Variants in EPHA6 observed in about 807,000 individuals in gnomAD.
EPHA6 encodes the protein EPH receptor A6.
A neutral mutation model predicts 112.0 loss-of-function variants in EPHA6; 50 were observed. That is an observed-to-expected ratio of 0.45 (90% CI 0.36 to 0.56). EPHA6 has a LOEUF of 0.56. Ranked by LOEUF, EPHA6 falls within the 20% of genes least tolerant of loss-of-function variation. EPHA6 has a pLI of 0.00. For missense variants in EPHA6, 1,280 were observed against 1,417.4 expected, an observed-to-expected ratio of 0.90 and a Z score of 1.56; for synonymous variants, 529 against 490.7, an observed-to-expected ratio of 1.08 and a Z score of -1.03.
At chr3:96,949,234 A>G (rs2041423507) in intron 2 of EPHA6, among the ~76,000 whole-genome samples, 1 of 152,184 alleles carries the variant, frequency 6.6e-6, no homozygotes, top group African/African-American at 2.4e-5. Context: ...TAATTCTAAT[A>G]CAAAATTTAA....
chr3:97,444,744 T>A (rs1169411426), intron 6 of EPHA6, among the ~76,000 whole-genome samples: 1 of 152,154 alleles, frequency 6.6e-6, no homozygotes, highest in Non-Finnish European at 1.5e-5. Flanking sequence ...TCTGAACACC[T>A]GAGCCTATTT....
intron 5 of EPHA6, among the ~76,000 whole-genome samples, chr3:97,266,789 A>C (rs1576804311): frequency 7.7e-6 from 1 of 129,438 alleles, no homozygotes; most frequent in Non-Finnish European, 1.5e-5. Flanking sequence ...ATACTAATAT[A>C]ATACAAAGAA....
chr3:96,879,221 T>C (rs1576218131), intron 2 of EPHA6, among the ~76,000 whole-genome samples: 1 of 152,132 alleles, frequency 6.6e-6, no homozygotes, highest in Admixed American at 6.5e-5. Context: ...TTTGCCTTTG[T>C]TTATAAACGT....
chr3:97,191,359 A>T (rs2077300828), intron 3 of EPHA6, among the ~76,000 whole-genome samples: 1 of 152,016 alleles, frequency 6.6e-6, no homozygotes. Flanking sequence ...TAAATATACA[A>T]TAAATTATTA....
At chr3:97,673,185 G>T (rs2031023165) in intron 14 of EPHA6, among the ~76,000 whole-genome samples, 1 of 152,188 alleles carries the variant, frequency 6.6e-6, no homozygotes, top group African/African-American at 2.4e-5. Flanking sequence ...CTTGAAGTCA[G>T]AGTTGAATGT....
At position 97,406,540 on chromosome 3, in the gene EPHA6, T is replaced by C. The variant is rs550389662; in HGVS notation, c.1731+1266T>C. On this transcript the variant is annotated intron_variant, in intron 6 of 17. Transcript: ENST00000389672. ...AAGGTTCCATCTCTTGATTCTGTTA[T>C]AATGGCAATCAAATTAAAACATAAG... 2.0e-5 allele frequency among the ~76,000 whole-genome samples: 3 copies of C among 152,166 alleles called. No homozygotes were observed. The East Asian group carries it at 5.8e-4, about 29-fold the overall frequency.
intron 3 of EPHA6, among the ~76,000 whole-genome samples, chr3:97,106,979 G>A (rs1162711218): frequency 6.6e-6 from 1 of 151,928 alleles, no homozygotes; most frequent in Non-Finnish European, 1.5e-5. Context: ...GTGATGGTGG[G>A]GTTACCAAAG....
rs141992941 is a variant in EPHA6, at chr3:96,991,716, C to A, written c.1114+3723C>A. 8.3e-4 allele frequency among the ~76,000 whole-genome samples: 127 copies of A among 152,242 alleles called. 1 individual carries two copies. The highest frequency in any genetic ancestry group is 2.9e-3 in the African/African-American group (121 of 41,558). On this transcript the variant is annotated intron_variant, in intron 3 of 17. Transcript: ENST00000389672. Reference sequence around the variant, plus strand: ...TCACATTAGGACATCATGTTGAAGTCCAATATAGCATGTTGAAATCAGTTC... The same window carrying A: ...TCACATTAGGACATCATGTTGAAGTACAATATAGCATGTTGAAATCAGTTC...
chr3:97,120,508 G>A (rs1008414490), intron 3 of EPHA6, among the ~76,000 whole-genome samples: 5 of 151,798 alleles, frequency 3.3e-5, no homozygotes, highest in African/African-American at 4.8e-5. Context: ...GTTGATAATG[G>A]ACTGAGTCAC....
intron 6 of EPHA6, among the ~76,000 whole-genome samples, chr3:97,423,760 C>G (rs766902883): frequency 1.3e-5 from 2 of 152,144 alleles, no homozygotes; most frequent in East Asian, 3.8e-4. Context: ...TCAAACTATA[C>G]TATAAGGCTA....
intron 5 of EPHA6, among the ~76,000 whole-genome samples, chr3:97,270,564 T>C (rs1359370485): frequency 6.6e-6 from 1 of 152,236 alleles, no homozygotes; most frequent in Non-Finnish European, 1.5e-5. Context: ...AACAATACAA[T>C]CTTCTGAGCA....
intron 16 of EPHA6, among the ~76,000 whole-genome samples, chr3:97,742,884 A>T (rs955750790): frequency 1.3e-5 from 2 of 152,134 alleles, no homozygotes; most frequent in Admixed American, 6.6e-5. Flanking sequence ...TGCATGACAA[A>T]ATTATTTCAT....
intron 10 of EPHA6, among the ~76,000 whole-genome samples, chr3:97,531,661 A>G (rs1279515584): frequency 6.6e-6 from 1 of 152,136 alleles, no homozygotes; most frequent in Non-Finnish European, 1.5e-5. Flanking sequence ...CTGAGAACAG[A>G]GACCAAGTCT....
chr3:97,595,569 C>T (rs548389992), intron 12 of EPHA6, among the ~76,000 whole-genome samples: 2 of 151,852 alleles, frequency 1.3e-5, no homozygotes, highest in Admixed American at 6.6e-5. Context: ...TGCTTTATCC[C>T]GGTACGTGGA....
chr3:96,824,071 T>A (rs1437632899), intron 1 of EPHA6, among the ~76,000 whole-genome samples: 1 of 151,792 alleles, frequency 6.6e-6, no homozygotes, highest in Admixed American at 6.6e-5. Flanking sequence ...AAAATGTAGT[T>A]CACCTAGGTT....
chr3:97,291,828 G>A (rs906435909), intron 5 of EPHA6, among the ~76,000 whole-genome samples: 3 of 152,146 alleles, frequency 2.0e-5, no homozygotes, highest in Admixed American at 2.0e-4. Flanking sequence ...AGTGTCATGG[G>A]ATCTTTAGGG....
At chr3:97,721,587 C>T (rs757305856) in intron 15 of EPHA6, among the ~76,000 whole-genome samples, 3 of 152,192 alleles carry the variant, frequency 2.0e-5, no homozygotes, top group Non-Finnish European at 2.9e-5. Context: ...CAAAGCACAA[C>T]ATCAAACTGC....
At chr3:97,029,303 T>C (rs1302977074) in intron 3 of EPHA6, among the ~76,000 whole-genome samples, 1 of 151,564 alleles carries the variant, frequency 6.6e-6, no homozygotes, top group Non-Finnish European at 1.5e-5. Context: ...TATAATTACA[T>C]ATAAATTACA....
intron 11 of EPHA6, among the ~76,000 whole-genome samples, chr3:97,581,558 A>G (rs950339205): frequency 6.6e-6 from 1 of 152,162 alleles, no homozygotes; most frequent in Non-Finnish European, 1.5e-5. Flanking sequence ...CATGATAGAG[A>G]GAAAAGAGCC....
Sources: gnomAD v4.1 joint callset for allele counts (sites outside exome capture counted in the v4.1 genomes callset) on GRCh38, gnomAD v4.1.1 for gene constraint, MANE v1.5 for transcripts, NCBI Gene and HGNC (gene_info 2026-07-23, HGNC 2026-07-21) for gene names.